PUM3: variants seen among roughly 807,000 people sequenced by gnomAD.
PUM3 encodes pumilio homolog 3.
PUM3 carries 91 observed loss-of-function variants against 84.0 expected under a neutral mutation model. The observed-to-expected ratio is 1.08, with a 90% CI of 0.91 to 1.29. PUM3 has a LOEUF of 1.29. PUM3 is among the 50% of genes most tolerant of loss of function. PUM3 has a pLI of 0.00. For missense variants in PUM3, 1,067 were observed against 767.5 expected, an observed-to-expected ratio of 1.39 and a Z score of -4.61; for synonymous variants, 321 against 266.7, an observed-to-expected ratio of 1.20 and a Z score of -1.98.
intron 17 of PUM3, among the ~76,000 whole-genome samples, chr9:2,806,291 T>C (rs192389718): frequency 1.3e-5 from 2 of 152,350 alleles, no homozygotes; most frequent in East Asian, 3.9e-4. Context: ...ATTCTGACTG[T>C]TTAACATCAA....
intron 13 of PUM3, among the ~76,000 whole-genome samples, chr9:2,814,214 ATTT>A (rs372676174): frequency 8.4e-6 from 1 of 118,976 alleles, no homozygotes; most frequent in Non-Finnish European, 1.6e-5. Flanking sequence ...AACTCCAACT[ATTT>A]TTTTTTTTTT....
rs766993196 is a variant in PUM3, at chr9:2,828,755, G to A, written c.876C>T (p.Asp292=). 1.9e-6 allele frequency: 3 copies of A among 1,602,512 alleles called. No homozygotes were observed. In the Admixed American group the frequency reaches 5.0e-5, roughly 27 times the overall value. ...TTTCTGGCTGTACCTCTAACACTTTGTCCAGAGTTCGGTGATCTGCTGACT... is the reference window on the plus strand; with the variant it reads ...TTTCTGGCTGTACCTCTAACACTTTATCCAGAGTTCGGTGATCTGCTGACT... ...LYKSADHRTL[D]KVLEVQPEKL... Residue 292 remains aspartate, a synonymous_variant, in exon 9 of 18, where the codon GAC becomes GAT. Transcript: ENST00000397885.
intron 16 of PUM3, 158 bp from the exon 17 acceptor site, chr9:2,808,062 C>T: frequency 1.7e-6 from 1 of 588,832 alleles, no homozygotes; most frequent in Non-Finnish European, 3.0e-6. Flanking sequence ...AATTCCAGTG[C>T]AGGTTTATCT....
intron 1 of PUM3, among the ~76,000 whole-genome samples, chr9:2,840,241 G>C (rs1336487612): frequency 6.6e-6 from 1 of 152,170 alleles, no homozygotes; most frequent in Non-Finnish European, 1.5e-5. Flanking sequence ...TTTCTCCACT[G>C]TGAAGTTGCC....
At chr9:2,804,778 C>T (rs779580645) in intron 17 of PUM3, among the ~76,000 whole-genome samples, 27 of 152,200 alleles carry the variant, frequency 1.8e-4, no homozygotes, top group Non-Finnish European at 3.4e-4. Context: ...AATGATTCTA[C>T]ATGTATTCTA....
Position 2,807,826 on chromosome 9 carries a change from A to C in PUM3, c.1802T>G (p.Ile601Ser). The change falls in exon 17 of 18, where the codon ATT (isoleucine) becomes AGT (serine). Residue 601 changes from isoleucine to serine, a missense_variant. Coordinates refer to ENST00000397885, the MANE Select transcript of PUM3 (RefSeq NM_014878.5). Reference protein sequence around the residue: ...KSWASVNRGAIILSSLLQSCD... With the variant: ...KSWASVNRGASILSSLLQSCD... ...ATGTTATACATACCTAGAAAGAATA[A>C]TGGCACCTCGATTTACACTAGCCCA... is the stretch of plus-strand genomic sequence containing the variant. 12 of 1,609,212 alleles carry C rather than the reference A, an allele frequency of 7.5e-6. No homozygotes were observed. Among genetic ancestry groups the C allele is most frequent in the Non-Finnish European group, 9.3e-6 (11 of 1,177,196 alleles).
At chr9:2,838,354 T>C in intron 2 of PUM3, 72 bp downstream of exon 2, 4 of 1,001,670 alleles carry the variant, frequency 4.0e-6, no homozygotes, top group South Asian at 2.6e-5. Flanking sequence ...TGAATACAGA[T>C]TGAAATTTAC....
chr9:2,804,280 CAG>C lies in PUM3; in HGVS notation c.*49_*50del, dbSNP rs1282402793. The C allele has an allele frequency of 4.4e-6, 7 of 1,581,048 alleles. No homozygotes were observed. The Admixed American group carries it at 5.3e-5, about 12-fold the overall frequency. On this transcript the variant is annotated 3_prime_UTR_variant, in exon 18 of 18. Transcript: ENST00000397885. ...ACCCCTTCTTTTCTGCATTGGGAAA[CAG>C]AACAGAGAACAGAAAAAATCATTCC...
chr9:2,807,929 G>A (rs371641416), intron 16 of PUM3, 25 bp from the exon 17 acceptor site: 66 of 1,421,312 alleles, frequency 4.6e-5, no homozygotes, highest in Non-Finnish European at 6.5e-5. Context: ...GAAGCTTAGT[G>A]AACATCACAT....
At position 2,831,042 on chromosome 9, in the gene PUM3, A is replaced by C; in HGVS notation, c.611-14T>G. 1 of 1,338,642 alleles carries C rather than the reference A, an allele frequency of 7.5e-7. No individual in the cohort carries two copies. Among genetic ancestry groups the C allele is most frequent in the East Asian group, 2.3e-5 (1 of 43,412 alleles). 82.9% of individuals were successfully genotyped at this position (1,338,642 alleles called of 1,614,324 possible). On this transcript the variant is annotated splice_polypyrimidine_tract_variant and intron_variant, in intron 6 of 17. Coordinates refer to ENST00000397885, the MANE Select transcript of PUM3 (RefSeq NM_014878.5). The stretch of plus-strand genomic sequence containing the variant: ...CAACCAAATCATCTGAAAAACAAAA[A>C]TACATTACAGTGACTTCAGATCTCA...
chr9:2,808,008 G>C, intron 16 of PUM3, 104 bp from the exon 17 acceptor site: 3 of 707,418 alleles, frequency 4.2e-6, no homozygotes, highest in Non-Finnish European at 7.0e-6. Context: ...AAACAAAAAA[G>C]CTAACAAAAG....
At chr9:2,840,441 T>C (rs1816238785) in intron 1 of PUM3, among the ~76,000 whole-genome samples, 1 of 152,198 alleles carries the variant, frequency 6.6e-6, no homozygotes, top group Non-Finnish European at 1.5e-5. Context: ...TCCTCCTAAG[T>C]TTTACCTGCT....
At chr9:2,809,521 G>A (rs1821323209) in intron 16 of PUM3, among the ~76,000 whole-genome samples, 2 of 152,128 alleles carry the variant, frequency 1.3e-5, no homozygotes, top group Admixed American at 6.6e-5. Flanking sequence ...GGTGAGAAGT[G>A]ACAGCTCTAC....
At position 2,812,274 on chromosome 9, in the gene PUM3, T is replaced by C. The variant is rs1274023085; in HGVS notation, c.1358A>G (p.His453Arg). 25 of 1,613,226 alleles carry C rather than the reference T, an allele frequency of 1.5e-5. No homozygotes were observed. The highest frequency in any genetic ancestry group is 6.6e-5 in the South Asian group (6 of 91,080). ...AACTTCAATGATTTCTCGTACTGTA[T>C]GTGCAGGATCTCTGGGGCTTAGTAA... ...LYLLSPRDPA[H>R]TVREIIEVLQ... Residue 453 changes from histidine (H) to arginine (R), a missense_variant, in exon 14 of 18, where the codon CAT becomes CGT. Transcript: ENST00000397885.
At chr9:2,816,524 T>A (rs1276801842) in intron 13 of PUM3, among the ~76,000 whole-genome samples, 1 of 152,208 alleles carries the variant, frequency 6.6e-6, no homozygotes, top group African/African-American at 2.4e-5. Flanking sequence ...GTAGTTTACC[T>A]CAATTAAAAA....
intron 1 of PUM3, among the ~76,000 whole-genome samples, chr9:2,839,061 T>A (rs182817229): frequency 1.3e-5 from 2 of 152,236 alleles, no homozygotes; most frequent in Non-Finnish European, 2.9e-5. Flanking sequence ...CTGTGATTGT[T>A]TTAGACGCAG....
At chr9:2,807,950 A>C (rs939462546) in intron 16 of PUM3, 46 bp from the exon 17 acceptor site, 1 of 1,203,932 alleles carries the variant, frequency 8.3e-7, no homozygotes, top group African/African-American at 1.5e-5. Context: ...AATAAGATAT[A>C]TACTCCCTAC....
At chr9:2,825,663 G>C (rs888461767) in intron 10 of PUM3, among the ~76,000 whole-genome samples, 2 of 151,960 alleles carry the variant, frequency 1.3e-5, no homozygotes, top group Admixed American at 1.3e-4. Context: ...TTGTATTTTA[G>C]TAGAGACTGG....
chr9:2,824,397 G>A (rs911607115), intron 11 of PUM3, among the ~76,000 whole-genome samples: 1 of 152,128 alleles, frequency 6.6e-6, no homozygotes, highest in African/African-American at 2.4e-5. Flanking sequence ...CCCTGCCACA[G>A]TATGATCATT....
Sources: allele counts gnomAD v4.1 joint callset (sites outside exome capture counted in the v4.1 genomes callset), GRCh38; gene constraint gnomAD v4.1.1; transcripts MANE v1.5; gene names NCBI Gene and HGNC (gene_info 2026-07-23, HGNC 2026-07-21).